Variants in TNIK observed in about 807,000 individuals in gnomAD.
The protein encoded by TNIK is TRAF2 and NCK interacting kinase.
In TNIK, 49 loss-of-function variants were observed where a neutral mutation model predicts 191.3. That is an observed-to-expected ratio of 0.26 (90% CI 0.20 to 0.32). The LOEUF is 0.32. Ranked by LOEUF, TNIK falls within the 10% of genes least tolerant of loss-of-function variation. TNIK has a pLI of 1.00. For synonymous variants in TNIK, 594 were observed against 600.9 expected (o/e 0.99, Z 0.17); for missense variants, 1,155 against 1,702.3 (o/e 0.68, Z 5.66).
At chr3:171,091,805 G>A (rs1722098607) in intron 23 of TNIK, among the ~76,000 whole-genome samples, 1 of 151,950 alleles carries the variant, frequency 6.6e-6, no homozygotes, top group African/African-American at 2.4e-5. Context: ...TTTCTCTGGA[G>A]AACCCCAACT....
chr3:171,264,155 C>T (rs1437063682), intron 2 of TNIK, among the ~76,000 whole-genome samples: 1 of 144,852 alleles, frequency 6.9e-6, no homozygotes. Flanking sequence ...GGCTGGCCTC[C>T]CATACTCCTT....
chr3:171,423,041 G>T (rs1371009839), intron 1 of TNIK, among the ~76,000 whole-genome samples: 1 of 152,128 alleles, frequency 6.6e-6, no homozygotes, highest in Non-Finnish European at 1.5e-5. Context: ...GTCAATACGT[G>T]ACATTGTGTC....
chr3:171,120,323 C>CTTTT (rs397691045), intron 18 of TNIK, among the ~76,000 whole-genome samples: 3,776 of 136,364 alleles, frequency 0.028, 220 homozygotes, highest in African/African-American at 0.094. Context: ...TTTTTTCTTT[C>CTTTT]TTTTTTTTTT....
intron 2 of TNIK, among the ~76,000 whole-genome samples, chr3:171,334,736 A>G (rs922035608): frequency 3.9e-5 from 6 of 152,142 alleles, no homozygotes; most frequent in Admixed American, 2.0e-4. Flanking sequence ...ACATCACCAC[A>G]TTGTTTCTAG....
intron 1 of TNIK, among the ~76,000 whole-genome samples, chr3:171,422,458 A>G (rs1723946783): frequency 6.6e-6 from 1 of 152,186 alleles, no homozygotes; most frequent in Admixed American, 6.5e-5. Flanking sequence ...TTATATGGTC[A>G]AGAAAACCAA....
chr3:171,424,819 A>T (rs1178444023), intron 1 of TNIK, among the ~76,000 whole-genome samples: 3 of 119,114 alleles, frequency 2.5e-5, no homozygotes, highest in East Asian at 2.6e-4. Context: ...AACATCACAC[A>T]CTGGGGACTG....
At chr3:171,217,820 GA>G (rs1388683400) in intron 3 of TNIK, among the ~76,000 whole-genome samples, 2 of 152,100 alleles carry the variant, frequency 1.3e-5, no homozygotes, top group East Asian at 3.9e-4. Context: ...AAGGCTAGGT[GA>G]AAGTTACCCA....
At chr3:171,324,259 T>G (rs1755502776) in intron 2 of TNIK, among the ~76,000 whole-genome samples, 1 of 152,124 alleles carries the variant, frequency 6.6e-6, no homozygotes, top group Admixed American at 6.5e-5. Flanking sequence ...TTTTAAGGCT[T>G]GAATTCTTTT....
At chr3:171,136,961 TAAA>T (rs1365187803) in intron 15 of TNIK, among the ~76,000 whole-genome samples, 1 of 152,118 alleles carries the variant, frequency 6.6e-6, no homozygotes, top group Admixed American at 6.5e-5. Flanking sequence ...GGGAAAGTGA[TAAA>T]AAATTCTTCA....
intron 10 of TNIK, among the ~76,000 whole-genome samples, chr3:171,162,006 C>T (rs1734058304): frequency 6.6e-6 from 1 of 152,282 alleles, no homozygotes; most frequent in Non-Finnish European, 1.5e-5. Context: ...CCCTTTGTAA[C>T]TTATTGATGG....
intron 12 of TNIK, among the ~76,000 whole-genome samples, chr3:171,143,511 T>C (rs957251439): frequency 6.6e-6 from 1 of 152,190 alleles, no homozygotes; most frequent in Non-Finnish European, 1.5e-5. Context: ...GCGCTGAACA[T>C]AGTAAGAAAC....
chr3:171,249,220 C>T (rs997989535), intron 2 of TNIK, among the ~76,000 whole-genome samples: 4 of 152,178 alleles, frequency 2.6e-5, no homozygotes, highest in African/African-American at 9.7e-5. Context: ...AGTGGCATGT[C>T]TGCTATTATT....
At chr3:171,223,175 C>CT (rs1742566770) in intron 3 of TNIK, among the ~76,000 whole-genome samples, 1 of 152,166 alleles carries the variant, frequency 6.6e-6, no homozygotes, top group South Asian at 2.1e-4. Context: ...AACATGCCCT[C>CT]TCAGCCTCAT....
chr3:171,452,729 A>AAC (rs10602125), intron 1 of TNIK, among the ~76,000 whole-genome samples: 4,672 of 142,568 alleles, frequency 0.033, 72 homozygotes, highest in South Asian at 0.05. Context: ...ACACACTCCA[A>AAC]ACACACACAC....
At chr3:171,244,219 C>T (rs1044350317) in intron 2 of TNIK, among the ~76,000 whole-genome samples, 16 of 152,022 alleles carry the variant, frequency 1.1e-4, no homozygotes, top group African/African-American at 3.1e-4. Flanking sequence ...CGCCCGCCAC[C>T]ACGCCCGGCT....
intron 12 of TNIK, among the ~76,000 whole-genome samples, chr3:171,143,445 A>G (rs1460100618): frequency 2.0e-5 from 3 of 152,150 alleles, no homozygotes; most frequent in Admixed American, 6.6e-5. Flanking sequence ...TTTCTGCTGT[A>G]CCCCAACCCC....
intron 1 of TNIK, among the ~76,000 whole-genome samples, chr3:171,415,553 G>A (rs1367962203): frequency 6.6e-6 from 1 of 151,966 alleles, no homozygotes; most frequent in Non-Finnish European, 1.5e-5. Flanking sequence ...TCACAACTAA[G>A]ATAAATGCAC....
At chr3:171,337,092 T>C (rs1290767913) in intron 2 of TNIK, among the ~76,000 whole-genome samples, 1 of 152,238 alleles carries the variant, frequency 6.6e-6, no homozygotes, top group Non-Finnish European at 1.5e-5. Context: ...CAGAGCACTT[T>C]GTGCCAACCA....
At chr3:171,228,611 A>C (rs1743231407) in intron 2 of TNIK, among the ~76,000 whole-genome samples, 1 of 152,254 alleles carries the variant, frequency 6.6e-6, no homozygotes, top group African/African-American at 2.4e-5. Context: ...GGTTTCTTTC[A>C]TTCTTAAAAT....
Sources: allele counts gnomAD v4.1 joint callset (sites outside exome capture counted in the v4.1 genomes callset), GRCh38; gene constraint gnomAD v4.1.1; transcripts MANE v1.5; gene names NCBI Gene and HGNC (gene_info 2026-07-23, HGNC 2026-07-21).